The following SLC12A7 variants were observed in gnomAD, a reference collection of about 807,000 sequenced individuals.
The protein encoded by SLC12A7 is K-Cl cotransporter 4.
In SLC12A7, 100 loss-of-function variants were observed where a neutral mutation model predicts 120.6. That is an observed-to-expected ratio of 0.83 (90% CI 0.71 to 0.98). The LOEUF (loss-of-function observed/expected upper bound fraction) is 0.98. SLC12A7 is among the 50% of genes least tolerant of loss of function. The pLI is 0.00. For missense variants in SLC12A7, 1,373 were observed against 1,548.1 expected, an observed-to-expected ratio of 0.89 and a Z score of 1.90; for synonymous variants, 760 against 678.0, an observed-to-expected ratio of 1.12 and a Z score of -1.88.
chr5:1,109,504 GC>G (rs1432838254), intron 1 of SLC12A7, among the ~76,000 whole-genome samples: 1 of 152,226 alleles, frequency 6.6e-6, no homozygotes, highest in African/African-American at 2.4e-5. Flanking sequence ...AGGGCACAGT[GC>G]CCATCCCCGG....
At chr5:1,067,503 T>C (rs905742618) in intron 17 of SLC12A7, among the ~76,000 whole-genome samples, 1 of 152,228 alleles carries the variant, frequency 6.6e-6, no homozygotes, top group African/African-American at 2.4e-5. Flanking sequence ...TCTCTGTTCT[T>C]GTGCCCCGAT....
intron 22 of SLC12A7, among the ~76,000 whole-genome samples, chr5:1,054,699 A>G (rs1735424191): frequency 6.6e-6 from 1 of 152,200 alleles, no homozygotes; most frequent in South Asian, 2.1e-4. Flanking sequence ...AGGGTCATGG[A>G]GAGGCCCCAC....
chr5:1,146,407 ATGTGGG>A, the SLC12A7 span, among the ~76,000 whole-genome samples: 2 of 152,166 alleles, frequency 1.3e-5, no homozygotes, highest in African/African-American at 4.8e-5. This position sits in a 1 kb window ranked among gnomAD's most constrained non-coding sequence, Gnocchi z 6.5. Context: ...GGGTGCCTGC[ATGTGGG>A]TGGGAGCAGT....
intron 1 of SLC12A7, among the ~76,000 whole-genome samples, chr5:1,110,335 G>A (rs1218169662): frequency 6.6e-6 from 1 of 152,254 alleles, no homozygotes; most frequent in Non-Finnish European, 1.5e-5. Context: ...AGGCCAGGGA[G>A]CCTCCTGACA....
chr5:1,143,983 T>TGGC, the SLC12A7 span, among the ~76,000 whole-genome samples: 3 of 152,080 alleles, frequency 2.0e-5, no homozygotes, highest in Admixed American at 6.5e-5. Context: ...TTGGGCACCC[T>TGGC]GCCCTCCTAC....
At chr5:1,102,976 G>A (rs1033314859) in intron 1 of SLC12A7, among the ~76,000 whole-genome samples, 1 of 152,212 alleles carries the variant, frequency 6.6e-6, no homozygotes, top group Non-Finnish European at 1.5e-5. Context: ...TCCCTGTGAA[G>A]GTGCCGGGCA....
chr5:1,110,382 T>C (rs1363620818), intron 1 of SLC12A7, among the ~76,000 whole-genome samples: 2 of 152,220 alleles, frequency 1.3e-5, no homozygotes, highest in Admixed American at 6.5e-5. Context: ...GGCAGCGACA[T>C]GGGCAGCGCT....
chr5:1,069,838 A>T (rs1175474300), intron 17 of SLC12A7, among the ~76,000 whole-genome samples: 1 of 152,156 alleles, frequency 6.6e-6, no homozygotes, highest in African/African-American at 2.4e-5. Context: ...ATGAAGACAC[A>T]AAGTCTCAGA....
chr5:1,098,117 T>A (rs575104751), intron 1 of SLC12A7, among the ~76,000 whole-genome samples: 8 of 21,476 alleles, frequency 3.7e-4, no homozygotes, highest in Admixed American at 6.0e-4. Flanking sequence ...CCAGCCCCCC[T>A]CTAACCCTCT....
At chr5:1,148,132 A>C in the SLC12A7 span, among the ~76,000 whole-genome samples, 1 of 150,344 alleles carries the variant, frequency 6.7e-6, no homozygotes, top group Admixed American at 6.6e-5. Flanking sequence ...GGTCACTCAC[A>C]TTGGCTCAGA....
upstream of SLC12A7, among the ~76,000 whole-genome samples, chr5:1,112,323 G>A (rs1743089996): frequency 2.8e-5 from 1 of 35,698 alleles, no homozygotes; most frequent in Non-Finnish European, 4.6e-5. Context: ...CCTCCTGCTG[G>A]AACTCCCCGC....
the SLC12A7 span, among the ~76,000 whole-genome samples, chr5:1,119,957 C>T: frequency 6.6e-6 from 1 of 152,250 alleles, no homozygotes; most frequent in Admixed American, 6.5e-5. Flanking sequence ...TCACCATGGC[C>T]CAGGCAGCTG....
chr5:1,082,303 G>A (rs538066472), intron 8 of SLC12A7, among the ~76,000 whole-genome samples: 45 of 149,484 alleles, frequency 3.0e-4, no homozygotes, highest in African/African-American at 1.1e-3. Flanking sequence ...TGGAAAGCCT[G>A]GGCTTCCTCT....
upstream of SLC12A7, among the ~76,000 whole-genome samples, chr5:1,114,473 C>A (rs1743236636): frequency 6.6e-6 from 1 of 152,136 alleles, no homozygotes; most frequent in African/African-American, 2.4e-5. Flanking sequence ...GTCTGGTGGC[C>A]CCTCCCTTCG....
chr5:1,149,108 A>G, the SLC12A7 span, among the ~76,000 whole-genome samples: 3 of 72,796 alleles, frequency 4.1e-5, no homozygotes, highest in Admixed American at 1.2e-4. Flanking sequence ...TACACCCAGA[A>G]GGGGGACTGT....
Position 1,076,151 on chromosome 5 carries a change from T to C in SLC12A7, c.1834A>G (p.Lys612Glu). The C allele has an allele frequency of 6.2e-7, 1 of 1,611,160 alleles. No homozygotes were observed. The highest frequency in any genetic ancestry group is 8.5e-7 in the Non-Finnish European group (1 of 1,179,116). Residue 612 changes from lysine to glutamate, a missense_variant, in exon 14 of 24, where the codon AAG becomes GAG. Lys to Glu is a moderately conservative substitution (Grantham distance 56). Coordinates refer to ENST00000264930, the MANE Select transcript of SLC12A7 (RefSeq NM_006598.3). ...GAGTGGCCTCACCAGTGGTAGAACTTGAAGCGTGGACGCCAGTTGGGGGTA... is the reference window on the plus strand; with the variant it reads ...GAGTGGCCTCACCAGTGGTAGAACTCGAAGCGTGGACGCCAGTTGGGGGTA... ...LRTPNWRPRF[K>E]FYHWTLSFLG...
chr5:1,075,781 C>A (rs555841007), intron 14 of SLC12A7: 21 of 498,704 alleles, frequency 4.2e-5, no homozygotes, highest in Non-Finnish European at 7.4e-5. Flanking sequence ...GTCCACCCAG[C>A]GCCTGATTCC....
chr5:1,141,661 A>T, the SLC12A7 span, among the ~76,000 whole-genome samples: 1 of 152,172 alleles, frequency 6.6e-6, no homozygotes, highest in South Asian at 2.1e-4. Flanking sequence ...ATTTTTTTTA[A>T]AAAATGAAGA....
the SLC12A7 span, among the ~76,000 whole-genome samples, chr5:1,118,516 C>T: frequency 6.6e-6 from 1 of 152,228 alleles, no homozygotes; most frequent in African/African-American, 2.4e-5. Context: ...GACCCAGACT[C>T]GCGCCCTCGC....
Sources: allele counts gnomAD v4.1 joint callset (sites outside exome capture counted in the v4.1 genomes callset), GRCh38; gene constraint gnomAD v4.1.1; non-coding constraint Gnocchi (gnomAD v3.1); transcripts MANE v1.5; gene names NCBI Gene and HGNC (gene_info 2026-07-23, HGNC 2026-07-21).